The following DENND1A variants were observed in gnomAD, a reference collection of about 807,000 sequenced individuals.
The protein encoded by DENND1A is DENN domain-containing protein 1A.
A neutral mutation model predicts 113.7 loss-of-function variants in DENND1A; 51 were observed. The ratio of observed to expected loss-of-function variants is 0.45; its 90% CI spans 0.36 to 0.57. DENND1A has a LOEUF of 0.57. Among genes scored for constraint, DENND1A ranks in the 20% least tolerant of loss-of-function variants. The probability of loss-of-function intolerance (pLI) is 0.00; values close to 1 mark genes in which losing one functional copy is unlikely to be tolerated. For missense variants in DENND1A, 1,258 were observed against 1,395.9 expected (o/e 0.90, Z 1.57); for synonymous variants, 565 against 570.8 (o/e 0.99, Z 0.14).
chr9:123,851,832 T>A (rs1242608593), intron 2 of DENND1A, among the ~76,000 whole-genome samples: 3 of 152,076 alleles, frequency 2.0e-5, no homozygotes, highest in Non-Finnish European at 4.4e-5. Context: ...GGCTGTTGAC[T>A]CACTAAACTT....
chr9:123,805,772 T>C (rs1835444152), intron 2 of DENND1A, among the ~76,000 whole-genome samples: 1 of 152,170 alleles, frequency 6.6e-6, no homozygotes, highest in South Asian at 2.1e-4. Context: ...AAACAAAGTT[T>C]GTACAATTAA....
chr9:123,517,172 G>A (rs1258485898), intron 13 of DENND1A, among the ~76,000 whole-genome samples: 1 of 150,592 alleles, frequency 6.6e-6, no homozygotes, highest in African/African-American at 2.4e-5. Context: ...AGAATGGTGT[G>A]AACCCGGGAT....
intron 12 of DENND1A, among the ~76,000 whole-genome samples, chr9:123,568,175 T>G (rs2058157486): frequency 1.3e-5 from 2 of 152,208 alleles, no homozygotes; most frequent in African/African-American, 4.8e-5. Flanking sequence ...CCTCTAGGCA[T>G]GAGGGGACCA....
rs577401127 is a variant in DENND1A, at chr9:123,876,092, T to C, written c.88+2859A>G. Among the ~76,000 whole-genome samples the C allele has an allele frequency of 2.0e-5, 3 of 152,328 alleles. No individual in the cohort carries two copies. In the South Asian group the frequency reaches 6.2e-4, roughly 32 times the overall value. On this transcript the variant is annotated intron_variant, in intron 2 of 23. Transcript: ENST00000394215. The stretch of plus-strand genomic sequence containing the variant: ...CTTACTGGATGCACTGAAAAATACA[T>C]AACACTTTTGAGATACTTTTACCAA...
intron 5 of DENND1A, among the ~76,000 whole-genome samples, chr9:123,722,698 T>C (rs2067426014): frequency 6.6e-6 from 1 of 152,230 alleles, no homozygotes; most frequent in Non-Finnish European, 1.5e-5. Context: ...CCACATGGTA[T>C]TAAGCCTGCA....
chr9:123,677,364 C>T (rs1467058910), intron 5 of DENND1A, among the ~76,000 whole-genome samples: 1 of 152,172 alleles, frequency 6.6e-6, no homozygotes, highest in Non-Finnish European at 1.5e-5. Context: ...GCCATTGCTC[C>T]CCTTCACTCA....
At chr9:123,625,797 A>G (rs1263097929) in intron 10 of DENND1A, among the ~76,000 whole-genome samples, 1 of 152,210 alleles carries the variant, frequency 6.6e-6, no homozygotes, top group African/African-American at 2.4e-5. Flanking sequence ...ACCACTTGGC[A>G]GAGGAACTAT....
intron 9 of DENND1A, among the ~76,000 whole-genome samples, chr9:123,634,495 T>A (rs1192518459): frequency 2.0e-5 from 3 of 152,254 alleles, no homozygotes; most frequent in Admixed American, 6.5e-5. Flanking sequence ...ACTTGCCACT[T>A]ATTTTTAAAA....
intron 10 of DENND1A, among the ~76,000 whole-genome samples, chr9:123,617,516 C>T (rs1444386594): frequency 1.3e-5 from 2 of 152,204 alleles, no homozygotes; most frequent in African/African-American, 2.4e-5. Context: ...CCTTCTAGAG[C>T]CCCAAGCCAC....
chr9:123,842,354 G>C (rs1841952990), intron 2 of DENND1A, among the ~76,000 whole-genome samples: 1 of 152,154 alleles, frequency 6.6e-6, no homozygotes, highest in Admixed American at 6.5e-5. Context: ...CAATGTATGA[G>C]AGGTGAGAAG....
intron 4 of DENND1A, among the ~76,000 whole-genome samples, chr9:123,763,098 G>T (rs544919119): frequency 3.3e-5 from 5 of 151,028 alleles, no homozygotes; most frequent in Non-Finnish European, 5.9e-5. Flanking sequence ...TTTTTTGGCG[G>T]TGGGGGGAGG....
chr9:123,659,620 G>A (rs1176641923), intron 8 of DENND1A, among the ~76,000 whole-genome samples: 1 of 152,176 alleles, frequency 6.6e-6, no homozygotes, highest in Non-Finnish European at 1.5e-5. Flanking sequence ...TCCTTGGAAC[G>A]CTACATTTAA....
intron 11 of DENND1A, among the ~76,000 whole-genome samples, chr9:123,588,043 C>T (rs777313879): frequency 3.3e-5 from 5 of 150,884 alleles, no homozygotes; most frequent in East Asian, 3.9e-4. Flanking sequence ...TTTGGGAGGC[C>T]GAAGTGAGCA....
chr9:123,901,763 G>A (rs581679), intron 1 of DENND1A, among the ~76,000 whole-genome samples: 26,591 of 152,098 alleles, frequency 0.17, 4,386 homozygotes, highest in African/African-American at 0.44. Flanking sequence ...CCAGCACTGT[G>A]GGAGGCTGAG....
intron 2 of DENND1A, among the ~76,000 whole-genome samples, chr9:123,794,183 G>C (rs543458525): frequency 6.6e-6 from 1 of 152,288 alleles, no homozygotes; most frequent in African/African-American, 2.4e-5. Flanking sequence ...GCAGGAAAAG[G>C]ACTAGGCTGG....
At chr9:123,398,746 T>A (rs1405903940) in intron 21 of DENND1A, among the ~76,000 whole-genome samples, 1 of 150,902 alleles carries the variant, frequency 6.6e-6, no homozygotes, top group African/African-American at 2.4e-5. Flanking sequence ...AAAAGGAAGA[T>A]AACTTGGGGC....
chr9:123,733,749 T>C lies in DENND1A; in HGVS notation c.302+23954A>G, dbSNP rs190253479. Reference sequence around the variant, plus strand: ...GGCACAGTCTTGGCTCACTGCAACCTCCATCTCCTGGTTTCAAGCAATTCT... The same window carrying C: ...GGCACAGTCTTGGCTCACTGCAACCCCCATCTCCTGGTTTCAAGCAATTCT... On this transcript the variant is annotated intron_variant, in intron 5 of 23. Coordinates refer to ENST00000394215, the MANE Select transcript of DENND1A (RefSeq NM_001352964.2). Among the ~76,000 whole-genome samples, 282 of 151,656 alleles carry C rather than the reference T, an allele frequency of 1.9e-3. 1 individual carries two copies. Among genetic ancestry groups the C allele is most frequent in the Non-Finnish European group, 3.3e-3 (225 of 67,924 alleles).
intron 21 of DENND1A, among the ~76,000 whole-genome samples, chr9:123,390,486 C>T (rs1268480933): frequency 6.6e-6 from 1 of 152,154 alleles, no homozygotes; most frequent in Non-Finnish European, 1.5e-5. Context: ...AAGCAGGTAC[C>T]GTGCTTTATA....
intron 1 of DENND1A, among the ~76,000 whole-genome samples, chr9:123,904,011 A>T (rs624781): frequency 6.6e-6 from 1 of 151,402 alleles, no homozygotes; most frequent in African/African-American, 2.4e-5. Flanking sequence ...TTCCCAGCAC[A>T]CAGCTGGAGA....
Sources: gnomAD v4.1 joint callset for allele counts (sites outside exome capture counted in the v4.1 genomes callset) on GRCh38, gnomAD v4.1.1 for gene constraint, MANE v1.5 for transcripts, NCBI Gene and HGNC (gene_info 2026-07-23, HGNC 2026-07-21) for gene names.